Variants in PHKB observed in about 807,000 individuals in gnomAD.
PHKB encodes phosphorylase b kinase regulatory subunit beta.
In PHKB, 122 loss-of-function variants were observed where a neutral mutation model predicts 152.1. The observed-to-expected ratio is 0.80, with a 90% CI of 0.69 to 0.93. The LOEUF (loss-of-function observed/expected upper bound fraction) is 0.93. PHKB is among the 40% of genes least tolerant of loss of function. The pLI is 0.00. For missense variants in PHKB, 1,304 were observed against 1,328.4 expected, an observed-to-expected ratio of 0.98 and a Z score of 0.29; for synonymous variants, 436 against 464.9, an observed-to-expected ratio of 0.94 and a Z score of 0.80.
chr16:47,546,901 C>T (rs1031228127), intron 6 of PHKB, among the ~76,000 whole-genome samples: 3 of 152,178 alleles, frequency 2.0e-5, no homozygotes, highest in Non-Finnish European at 4.4e-5. Context: ...GGCCATGGGA[C>T]CCGCTGAGCA....
At chr16:47,525,738 C>T (rs1970755156) in intron 6 of PHKB, among the ~76,000 whole-genome samples, 1 of 152,168 alleles carries the variant, frequency 6.6e-6, no homozygotes, top group Admixed American at 6.5e-5. Context: ...CTTCATTATT[C>T]ATCTTTAGAT....
chr16:47,570,994 G>A (rs796989922), intron 7 of PHKB, among the ~76,000 whole-genome samples: 7 of 151,872 alleles, frequency 4.6e-5, no homozygotes, highest in African/African-American at 1.7e-4. Context: ...ACTTTAATGT[G>A]TATCATTTGT....
intron 20 of PHKB, among the ~76,000 whole-genome samples, chr16:47,652,258 T>C (rs1187616774): frequency 1.3e-5 from 2 of 151,918 alleles, no homozygotes; most frequent in East Asian, 1.9e-4. Context: ...TTCAGGGGGA[T>C]ACATATACCT....
rs1971977304 is a variant in PHKB, at chr16:47,588,766, A to G, written c.871-139A>G. On this transcript the variant is annotated intron_variant, in intron 9 of 30. Transcript: ENST00000323584. ...GTTTCCTGGAACATGCCATAGAAAC[A>G]TCTGTCTGATCCTGGGAGCAGAGCG... 2.2e-5 allele frequency: 16 copies of G among 725,114 alleles called. No homozygotes were observed. The South Asian group carries it at 2.2e-4, about 10-fold the overall frequency. 44.9% of individuals were successfully genotyped at this position (725,114 alleles called of 1,614,324 possible).
chr16:47,485,240 C>A (rs561886525), intron 1 of PHKB, among the ~76,000 whole-genome samples: 2 of 152,044 alleles, frequency 1.3e-5, no homozygotes, highest in African/African-American at 4.8e-5. Context: ...TTTTAAATTT[C>A]GGTGTATGGT....
In PHKB at chr16:47,681,943, G is replaced by T. The variant is rs149687249; in HGVS notation, c.2631-7098G>T. Among the ~76,000 whole-genome samples the T allele has an allele frequency of 3.5e-3, 535 of 152,234 alleles. 2 individuals carry two copies. Among genetic ancestry groups the T allele is most frequent in the African/African-American group, 0.012 (501 of 41,522 alleles). ...CTTTCCATGTTTAGTGCTTCCTTCAGGAGCTCTTTTAGGGCAGGCCTGGTG... is the reference window on the plus strand; with the variant it reads ...CTTTCCATGTTTAGTGCTTCCTTCATGAGCTCTTTTAGGGCAGGCCTGGTG... On this transcript the variant is annotated intron_variant, in intron 26 of 30. Transcript: ENST00000323584.
intron 6 of PHKB, among the ~76,000 whole-genome samples, chr16:47,546,754 G>A (rs1320190781): frequency 6.6e-6 from 1 of 152,046 alleles, no homozygotes; most frequent in African/African-American, 2.4e-5. Context: ...GAGCTGTGGT[G>A]GGCTCCACCT....
chr16:47,603,538 G>A (rs927845948), intron 13 of PHKB, among the ~76,000 whole-genome samples: 31 of 145,154 alleles, frequency 2.1e-4, no homozygotes, highest in Admixed American at 1.2e-3. Context: ...GAGTCTCGCT[G>A]TGTCGCCCAG....
rs1360455142 is a variant in PHKB at position 47,497,508 on chromosome 16, A to G, written c.166+20A>G. ...GAATTGGTGAGTAAAACCTGAGGAA[A>G]ACGTGTCCTTAGGTATCTGCGATTA... On this transcript the variant is annotated intron_variant, in intron 2 of 30. Transcript: ENST00000323584. 5 of 1,417,440 alleles carry G rather than the reference A, an allele frequency of 3.5e-6. No homozygotes were observed. The South Asian group carries it at 5.7e-5, about 16-fold the overall frequency. The allele number at this position is 1,417,440 out of a possible 1,614,324, so 87.8% of individuals were successfully genotyped here.
intron 20 of PHKB, among the ~76,000 whole-genome samples, chr16:47,653,598 A>G (rs1973278464): frequency 6.6e-6 from 1 of 152,156 alleles, no homozygotes; most frequent in African/African-American, 2.4e-5. Context: ...GGAGTTAAAG[A>G]TATGTCTTGG....
At chr16:47,690,597 A>G (rs186544115) in intron 27 of PHKB, among the ~76,000 whole-genome samples, 179 of 152,350 alleles carry the variant, frequency 1.2e-3, no homozygotes, top group Middle Eastern at 3.4e-3. Context: ...CCATGAGTCT[A>G]TGCTAATATA....
chr16:47,580,372 C>A lies in PHKB; in HGVS notation c.774+14C>A. 3 of 1,564,290 alleles carry A rather than the reference C, an allele frequency of 1.9e-6. No homozygotes were observed. The highest frequency in any genetic ancestry group is 2.6e-6 in the Non-Finnish European group (3 of 1,135,084). On this transcript the variant is annotated intron_variant, in intron 8 of 30. Coordinates refer to ENST00000323584, the MANE Select transcript of PHKB (RefSeq NM_000293.3). ...TTTGGCAACCAGGTAAAAAATAAGA[C>A]CCCCAGAATCTTTGATTATTTGAAT...
At chr16:47,481,832 T>A (rs1417064213) in intron 1 of PHKB, among the ~76,000 whole-genome samples, 1 of 152,212 alleles carries the variant, frequency 6.6e-6, no homozygotes, top group African/African-American at 2.4e-5. Context: ...GTGATACAGC[T>A]GTGATTGCAG....
chr16:47,646,545 C>CA (rs1973128542), intron 16 of PHKB, among the ~76,000 whole-genome samples: 1 of 104,600 alleles, frequency 9.6e-6, no homozygotes, highest in African/African-American at 3.9e-5. Flanking sequence ...AAAAAAAAAA[C>CA]ATTAAAAATA....
intron 7 of PHKB, among the ~76,000 whole-genome samples, chr16:47,560,627 G>A (rs1158873233): frequency 1.3e-5 from 2 of 152,118 alleles, no homozygotes; most frequent in Non-Finnish European, 2.9e-5. Context: ...GTAATCAATC[G>A]ATTTTCATGA....
At chr16:47,517,283 A>G (rs1335027017) in intron 6 of PHKB, among the ~76,000 whole-genome samples, 5 of 145,410 alleles carry the variant, frequency 3.4e-5, no homozygotes, top group Non-Finnish European at 7.5e-5. Flanking sequence ...GAGACAGTGT[A>G]TCACTCTGTC....
At chr16:47,557,296 G>A (rs142319304) in intron 7 of PHKB, among the ~76,000 whole-genome samples, 1,673 of 152,220 alleles carry the variant, frequency 0.011, 24 homozygotes, top group African/African-American at 0.039. Flanking sequence ...GAAAACCTAG[G>A]CATTACCATT....
chr16:47,597,678 C>CTTTTTTTTT (rs1010545365), intron 13 of PHKB: 1 of 107,860 alleles, frequency 9.3e-6, no homozygotes, highest in African/African-American at 3.3e-5. Context: ...TTTCTTTTTT[C>CTTTTTTTTT]TTTTTTTTTT....
chr16:47,676,037 G>C (rs1250194097), intron 26 of PHKB: 1 of 152,026 alleles, frequency 6.6e-6, no homozygotes, highest in African/African-American at 2.4e-5. Context: ...TAAGTGAATG[G>C]GCCCCTTGCA....
Sources: gnomAD v4.1 joint callset for allele counts (sites outside exome capture counted in the v4.1 genomes callset) on GRCh38, gnomAD v4.1.1 for gene constraint, MANE v1.5 for transcripts, NCBI Gene and HGNC (gene_info 2026-07-23, HGNC 2026-07-21) for gene names.